ACSL3: variants seen among roughly 807,000 people sequenced by gnomAD.
The protein encoded by ACSL3 is acyl-CoA synthetase long chain family member 3, also known as fatty acid CoA ligase Acsl3.
A neutral mutation model predicts 84.7 loss-of-function variants in ACSL3; 34 were observed. The observed-to-expected ratio is 0.40, with a 90% confidence interval of 0.31 to 0.53. The LOEUF (loss-of-function observed/expected upper bound fraction) is 0.53. Ranked by LOEUF, ACSL3 falls within the 20% of genes least tolerant of loss-of-function variation. The pLI is 0.48. For missense variants in ACSL3, 680 were observed against 873.1 expected, an observed-to-expected ratio of 0.78 and a Z score of 2.79; for synonymous variants, 315 against 299.4, an observed-to-expected ratio of 1.05 and a Z score of -0.54.
At chr2:222,889,364 A>G (rs1362949781) in intron 2 of ACSL3, among the ~76,000 whole-genome samples, 1 of 152,170 alleles carries the variant, frequency 6.6e-6, no homozygotes, top group African/African-American at 2.4e-5. Flanking sequence ...AAAAAGAGAA[A>G]TAAGACTCGT....
rs1397360606 is a variant in ACSL3, at chr2:222,927,536, TTTTG to T, written c.1465+351_1465+354del. On this transcript the variant is annotated intron_variant, in intron 12 of 16. Transcript: ENST00000357430. ...TTTTTATGTAGAAAACTTAAGGTGC[TTTTG>T]TTTATTTGTGTAGGTGAGTATATTA... Among the ~76,000 whole-genome samples, 3 of 152,338 alleles carry T rather than the reference TTTTG, an allele frequency of 2.0e-5. 1 individual carries two copies. The highest frequency in any genetic ancestry group is 6.8e-3 in the Middle Eastern group (2 of 294).
intron 3 of ACSL3, 82 bp from the exon 4 acceptor site, chr2:222,908,651 A>T (rs1300858939): frequency 3.0e-6 from 3 of 987,976 alleles, no homozygotes; most frequent in Non-Finnish European, 3.0e-6. Context: ...GAAAAAAAAA[A>T]ATCTTCATTT....
At position 222,927,105 on chromosome 2, in the gene ACSL3, C is replaced by T. The variant is rs755492618; in HGVS notation, c.1381C>T (p.Arg461Ter). 5 of 1,613,984 alleles carry T rather than the reference C, an allele frequency of 3.1e-6. No individual in the cohort carries two copies. Among genetic ancestry groups the T allele is most frequent in the South Asian group, 1.1e-5 (1 of 91,078 alleles). ...GGAPLSATTQRFMNICFCCPV... is the reference protein window; with the variant it reads ...GGAPLSATTQ ...CGCTCCACTTTCTGCAACCACGCAGCGATTCATGAACATCTGTTTCTGCTG... is the reference window on the plus strand; with the variant it reads ...CGCTCCACTTTCTGCAACCACGCAGTGATTCATGAACATCTGTTTCTGCTG... Residue 461 changes from arginine (R) to a stop codon, truncating the protein, a stop_gained, in exon 12 of 17, where the codon CGA becomes TGA. Coordinates refer to ENST00000357430, the MANE Select transcript of ACSL3 (RefSeq NM_004457.5). LOFTEE classifies it high-confidence loss of function.
intron 3 of ACSL3, among the ~76,000 whole-genome samples, chr2:222,902,396 TA>T (rs1696175388): frequency 6.6e-6 from 1 of 152,220 alleles, no homozygotes; most frequent in Non-Finnish European, 1.5e-5. Context: ...CCTGTAGCCA[TA>T]AATTGCATTC....
At position 222,942,938 on chromosome 2, in the gene ACSL3, C is replaced by G. The variant is rs1574575666; in HGVS notation, c.*1284C>G. 7 of 224,748 alleles carry G rather than the reference C, an allele frequency of 3.1e-5. No homozygotes were observed. In the South Asian group the frequency reaches 9.2e-4, roughly 29 times the overall value. The allele number at this position is 224,748 out of a possible 1,614,324, so 13.9% of individuals were successfully genotyped here. On this transcript the variant is annotated 3_prime_UTR_variant, in exon 17 of 17. Transcript: ENST00000357430. Reference sequence around the variant, plus strand: ...AGTCTCTTCATTTATTACTGCTTGTCTGTTGTTATATCTGGATTATCAAAA... The same window carrying G: ...AGTCTCTTCATTTATTACTGCTTGTGTGTTGTTATATCTGGATTATCAAAA...
chr2:222,868,228 G>A (rs1040836227), intron 1 of ACSL3, among the ~76,000 whole-genome samples: 2 of 152,068 alleles, frequency 1.3e-5, no homozygotes, highest in Non-Finnish European at 2.9e-5. Context: ...TTGGTGGGTA[G>A]GAACATGAGC....
intron 1 of ACSL3, among the ~76,000 whole-genome samples, chr2:222,871,114 A>C (rs963300740): frequency 3.9e-5 from 6 of 152,136 alleles, no homozygotes; most frequent in African/African-American, 1.4e-4. Context: ...TGACAGAGGA[A>C]GCAGAACCAT....
chr2:222,895,303 C>T (rs923690180), intron 2 of ACSL3, among the ~76,000 whole-genome samples: 1 of 152,226 alleles, frequency 6.6e-6, no homozygotes, highest in Non-Finnish European at 1.5e-5. Flanking sequence ...TCCTGCACAT[C>T]TGTGTCCCTG....
chr2:222,933,407 G>A (rs1697084274), intron 15 of ACSL3, 127 bp downstream of exon 15: 4 of 614,876 alleles, frequency 6.5e-6, no homozygotes, highest in East Asian at 3.0e-5. Context: ...TGTGGGAATG[G>A]CCTCCTTCTC....
chr2:222,884,704 A>G (rs1695678450), intron 1 of ACSL3, among the ~76,000 whole-genome samples: 1 of 152,202 alleles, frequency 6.6e-6, no homozygotes, highest in Non-Finnish European at 1.5e-5. Flanking sequence ...TTTTCCAAAT[A>G]AGGTAACATT....
intron 2 of ACSL3, among the ~76,000 whole-genome samples, chr2:222,899,183 A>T (rs1696071999): frequency 6.6e-6 from 1 of 152,228 alleles, no homozygotes; most frequent in South Asian, 2.1e-4. Flanking sequence ...ACCTTTGGAT[A>T]GCTGAGGCCT....
chr2:222,870,096 A>C (rs1574514414), intron 1 of ACSL3, among the ~76,000 whole-genome samples: 2 of 139,254 alleles, frequency 1.4e-5, no homozygotes, highest in African/African-American at 2.8e-5. Flanking sequence ...GTCTGACTGG[A>C]CTTCTGGTTT....
chr2:222,866,470 A>G (rs114837742), intron 1 of ACSL3, among the ~76,000 whole-genome samples: 3,531 of 152,244 alleles, frequency 0.023, 57 homozygotes, highest in Non-Finnish European at 0.026. Flanking sequence ...TTATCATTCT[A>G]ATTTTTACAG....
At chr2:222,937,873 TTGCTGCC>T (rs201201706) in intron 16 of ACSL3, among the ~76,000 whole-genome samples, 3,760 of 152,216 alleles carry the variant, frequency 0.025, 145 homozygotes, top group African/African-American at 0.083. Context: ...TTTTCCTCTC[TTGCTGCC>T]TTCTTTTGTT....
At chr2:222,916,589 T>A in intron 5 of ACSL3, 93 bp downstream of exon 5, 5 of 1,342,192 alleles carry the variant, frequency 3.7e-6, no homozygotes, top group Non-Finnish European at 4.9e-6. Context: ...TGATGTTAAT[T>A]TTCACCCAGT....
At chr2:222,939,558 A>G (rs926082440) in intron 16 of ACSL3, among the ~76,000 whole-genome samples, 1 of 152,180 alleles carries the variant, frequency 6.6e-6, no homozygotes, top group Non-Finnish European at 1.5e-5. Flanking sequence ...TTCAGGAAAG[A>G]CAGAAGCAAG....
At chr2:222,923,588 G>A (rs1696795996) in intron 10 of ACSL3, among the ~76,000 whole-genome samples, 1 of 152,150 alleles carries the variant, frequency 6.6e-6, no homozygotes, top group Non-Finnish European at 1.5e-5. Context: ...GTGCAGCTTT[G>A]AATGACTTAA....
chr2:222,883,205 A>T (rs2106095868), intron 1 of ACSL3, among the ~76,000 whole-genome samples: 1 of 146,402 alleles, frequency 6.8e-6, no homozygotes, highest in East Asian at 2.0e-4. Flanking sequence ...TTTGAGACAA[A>T]GTTTTGCTCT....
At chr2:222,882,562 C>T (rs995964491) in intron 1 of ACSL3, among the ~76,000 whole-genome samples, 1 of 152,022 alleles carries the variant, frequency 6.6e-6, no homozygotes, top group African/African-American at 2.4e-5. Context: ...CAATCTAGAA[C>T]CCTTGCATGC....
Sources: allele counts gnomAD v4.1 joint callset (sites outside exome capture counted in the v4.1 genomes callset), GRCh38; gene constraint gnomAD v4.1.1; transcripts MANE v1.5; gene names NCBI Gene and HGNC (gene_info 2026-07-23, HGNC 2026-07-21).